Variants in ATXN1 observed in about 807,000 individuals in gnomAD.
The protein encoded by ATXN1 is ataxin-1.
A neutral mutation model predicts 56.4 loss-of-function variants in ATXN1; 8 were observed. The observed-to-expected ratio is 0.14, with a 90% confidence interval of 0.08 to 0.26. The LOEUF (loss-of-function observed/expected upper bound fraction) is 0.26. Ranked by LOEUF, ATXN1 falls within the 10% of genes least tolerant of loss-of-function variation. The pLI is 1.00. For synonymous variants in ATXN1, 514 were observed against 494.6 expected (o/e 1.04, Z -0.52); for missense variants, 987 against 1,106.5 (o/e 0.89, Z 1.53).
chr6:16,648,343 T>C (rs1763837441), intron 3 of ATXN1, among the ~76,000 whole-genome samples: 1 of 152,122 alleles, frequency 6.6e-6, no homozygotes, highest in African/African-American at 2.4e-5. Flanking sequence ...AGAGGCACCT[T>C]AGGTTGTAAT....
intron 4 of ATXN1, among the ~76,000 whole-genome samples, chr6:16,546,168 T>C (rs2113722459): frequency 6.6e-6 from 1 of 152,230 alleles, no homozygotes; most frequent in South Asian, 2.1e-4. Flanking sequence ...CATGGAAAAT[T>C]CCAAACATGT....
chr6:16,346,309 CTCCCAAAGTGGGA>C (rs1761386624), intron 6 of ATXN1, among the ~76,000 whole-genome samples: 1 of 152,154 alleles, frequency 6.6e-6, no homozygotes, highest in Non-Finnish European at 1.5e-5. Flanking sequence ...CCATCTCGGC[CTCCCAAAGTGGGA>C]GTGAGCCACC....
chr6:16,727,834 A>AT (rs1356732336), intron 2 of ATXN1, among the ~76,000 whole-genome samples: 16 of 152,374 alleles, frequency 1.1e-4, no homozygotes, highest in African/African-American at 3.4e-4. Flanking sequence ...GAAAGTGAAA[A>AT]TTCGTCAGAG....
intron 2 of ATXN1, among the ~76,000 whole-genome samples, chr6:16,736,583 C>G (rs900224592): frequency 1.3e-5 from 2 of 152,204 alleles, no homozygotes; most frequent in African/African-American, 4.8e-5. Context: ...TTATGAGATA[C>G]TGATTACTCA....
chr6:16,746,734 A>G (rs1760548584), intron 2 of ATXN1, among the ~76,000 whole-genome samples: 1 of 152,222 alleles, frequency 6.6e-6, no homozygotes, highest in Non-Finnish European at 1.5e-5. Flanking sequence ...TCTATAAATA[A>G]TGACATAATA....
intron 3 of ATXN1, among the ~76,000 whole-genome samples, chr6:16,609,889 C>T (rs374224343): frequency 3.4e-4 from 52 of 151,908 alleles, no homozygotes; most frequent in Admixed American, 1.0e-3. Flanking sequence ...CAGACTTAGG[C>T]GTGAATGACA....
At chr6:16,555,449 C>T (rs771969942) in intron 4 of ATXN1, among the ~76,000 whole-genome samples, 7 of 152,200 alleles carry the variant, frequency 4.6e-5, no homozygotes, top group Non-Finnish European at 1.0e-4. Context: ...CCCTGGTTGG[C>T]TTCTCCTAAA....
At chr6:16,566,814 C>T (rs1762231444) in intron 4 of ATXN1, among the ~76,000 whole-genome samples, 2 of 152,102 alleles carry the variant, frequency 1.3e-5, no homozygotes, top group African/African-American at 2.4e-5. Context: ...CGAGATCACA[C>T]CACTGCACTC....
intron 3 of ATXN1, among the ~76,000 whole-genome samples, chr6:16,613,061 C>T (rs1360751974): frequency 6.7e-6 from 1 of 148,606 alleles, no homozygotes; most frequent in Non-Finnish European, 1.5e-5. Flanking sequence ...GTCAGGAGAT[C>T]GAGACCATCC....
intron 6 of ATXN1, among the ~76,000 whole-genome samples, chr6:16,443,208 C>CAAAAAAAAA (rs70999325): frequency 7.4e-5 from 3 of 40,774 alleles, no homozygotes; most frequent in Admixed American, 3.0e-4. Flanking sequence ...TCTATTGGAG[C>CAAAAAAAAA]AAAAAAAAAA....
intron 3 of ATXN1, among the ~76,000 whole-genome samples, chr6:16,639,767 T>C (rs1763673851): frequency 6.6e-6 from 1 of 152,218 alleles, no homozygotes; most frequent in African/African-American, 2.4e-5. Context: ...ATTAAAGATG[T>C]AAATAGAAGA....
At chr6:16,728,273 G>A (rs766974358) in intron 2 of ATXN1, among the ~76,000 whole-genome samples, 1 of 152,184 alleles carries the variant, frequency 6.6e-6, no homozygotes, top group Non-Finnish European at 1.5e-5. Flanking sequence ...GTGCGCACAG[G>A]GCAGTGGGGA....
At chr6:16,444,622 T>C (rs1440333513) in intron 6 of ATXN1, among the ~76,000 whole-genome samples, 1 of 152,186 alleles carries the variant, frequency 6.6e-6, no homozygotes, top group Non-Finnish European at 1.5e-5. Flanking sequence ...ATCTAGTATA[T>C]TATCCTGCTT....
At position 16,636,773 on chromosome 6, in the gene ATXN1, G is replaced by A. The variant is rs9477192; in HGVS notation, c.-489+21003C>T. On this transcript the variant is annotated intron_variant, in intron 3 of 7. Coordinates refer to ENST00000436367, the MANE Select transcript of ATXN1 (RefSeq NM_001128164.2). ...GGAAATGTCATAGCTTGAATGCCAG[G>A]TGCACTTTAAAAAATAATCTAAACT... 4.8e-3 allele frequency among the ~76,000 whole-genome samples: 733 copies of A among 152,302 alleles called. 6 individuals are homozygous for A. The highest frequency in any genetic ancestry group is 0.017 in the African/African-American group (694 of 41,572).
At position 16,681,596 on chromosome 6, in the gene ATXN1, T is replaced by C. The variant is rs147638509; in HGVS notation, c.-614-23695A>G. ...TCTAACTTCAATACATCAAAGACGC[T>C]GCTGCACACCTCCGTCTTTTTTATT... On this transcript the variant is annotated intron_variant, in intron 2 of 7. Transcript: ENST00000436367. 1.9e-3 allele frequency among the ~76,000 whole-genome samples: 282 copies of C among 152,362 alleles called. 2 individuals are homozygous for C. Among genetic ancestry groups the C allele is most frequent in the African/African-American group, 6.2e-3 (258 of 41,596 alleles).
intron 3 of ATXN1, among the ~76,000 whole-genome samples, chr6:16,651,525 C>T (rs921952342): frequency 7.6e-6 from 1 of 131,014 alleles, no homozygotes; most frequent in Non-Finnish European, 1.6e-5. Context: ...GCGTGGGTGA[C>T]AGAGAGAGAC....
chr6:16,649,951 GT>G (rs146378566), intron 3 of ATXN1, among the ~76,000 whole-genome samples: 14 of 147,366 alleles, frequency 9.5e-5, no homozygotes, highest in East Asian at 2.0e-4. Context: ...TTTCTGTTTT[GT>G]TTTTTTTTTT....
At chr6:16,365,974 A>T (rs1761909615) in intron 6 of ATXN1, among the ~76,000 whole-genome samples, 1 of 151,744 alleles carries the variant, frequency 6.6e-6, no homozygotes, top group East Asian at 1.9e-4. Flanking sequence ...CTATTGTAAA[A>T]TTTTTTTCTG....
chr6:16,684,789 T>C (rs1758882619), intron 2 of ATXN1, among the ~76,000 whole-genome samples: 1 of 152,188 alleles, frequency 6.6e-6, no homozygotes, highest in Non-Finnish European at 1.5e-5. Context: ...ATGTATTATA[T>C]AACCTATAAA....
Sources: allele counts gnomAD v4.1 joint callset (sites outside exome capture counted in the v4.1 genomes callset), GRCh38; gene constraint gnomAD v4.1.1; transcripts MANE v1.5; gene names NCBI Gene and HGNC (gene_info 2026-07-23, HGNC 2026-07-21).